The following LYPD6B variants were observed in gnomAD, a reference collection of about 807,000 sequenced individuals.
The protein encoded by LYPD6B is ly6/PLAUR domain-containing protein 6B.
A neutral mutation model predicts 22.8 loss-of-function variants in LYPD6B; 17 were observed. That is an observed-to-expected ratio of 0.75 (90% CI 0.51 to 1.12). The LOEUF (loss-of-function observed/expected upper bound fraction) is 1.12. LYPD6B is among the 50% of genes most tolerant of loss of function. LYPD6B has a pLI of 0.00. For missense variants in LYPD6B, 221 were observed against 258.3 expected, an observed-to-expected ratio of 0.86 and a Z score of 0.99; for synonymous variants, 106 against 91.6, an observed-to-expected ratio of 1.16 and a Z score of -0.90.
At chr2:149,055,556 T>C (rs796317362) in intron 1 of LYPD6B, among the ~76,000 whole-genome samples, 3 of 152,362 alleles carry the variant, frequency 2.0e-5, no homozygotes, top group African/African-American at 7.2e-5. Context: ...TTTCATTCCT[T>C]TCAATGATGT....
chr2:149,072,453 A>G (rs1242828849), intron 1 of LYPD6B, among the ~76,000 whole-genome samples: 2 of 150,982 alleles, frequency 1.3e-5, no homozygotes, highest in Non-Finnish European at 3.0e-5. Context: ...GAAGGATAAC[A>G]CAGGAAAGGG....
At chr2:149,151,832 C>T (rs566577735) in intron 2 of LYPD6B, among the ~76,000 whole-genome samples, 1 of 152,276 alleles carries the variant, frequency 6.6e-6, no homozygotes, top group South Asian at 2.1e-4. Flanking sequence ...GGCTATATCA[C>T]ACCTCAGCTC....
chr2:149,172,412 C>CA (rs1293991013), intron 3 of LYPD6B, among the ~76,000 whole-genome samples: 2 of 152,064 alleles, frequency 1.3e-5, no homozygotes, highest in Non-Finnish European at 1.5e-5. Flanking sequence ...TCAGACCAGT[C>CA]ATCATGGGCT....
At chr2:149,098,579 A>G (rs1335740955) in intron 1 of LYPD6B, among the ~76,000 whole-genome samples, 1 of 145,556 alleles carries the variant, frequency 6.9e-6, no homozygotes, top group African/African-American at 2.5e-5. Flanking sequence ...GTGAGCTGAG[A>G]TCGTGCCATT....
chr2:149,100,345 A>G (rs1225298927), intron 1 of LYPD6B, among the ~76,000 whole-genome samples: 5 of 147,996 alleles, frequency 3.4e-5, no homozygotes, highest in Admixed American at 1.4e-4. Context: ...TTCTTTCAAA[A>G]TTAGTATTCA....
chr2:149,076,008 G>A (rs1684863898), intron 1 of LYPD6B, among the ~76,000 whole-genome samples: 1 of 152,172 alleles, frequency 6.6e-6, no homozygotes, highest in African/African-American at 2.4e-5. Flanking sequence ...GCCAATCTAG[G>A]AGAGAGGGAG....
chr2:149,214,087 G>C (rs905358694), intron 6 of LYPD6B, among the ~76,000 whole-genome samples: 3 of 152,146 alleles, frequency 2.0e-5, no homozygotes, highest in African/African-American at 7.2e-5. Flanking sequence ...GTAAACCATT[G>C]TTGCTGTAAT....
chr2:149,186,189 A>G (rs1692089974), intron 3 of LYPD6B, among the ~76,000 whole-genome samples: 2 of 152,242 alleles, frequency 1.3e-5, no homozygotes, highest in African/African-American at 2.4e-5. Flanking sequence ...TCTTGTGCCA[A>G]ACAGCCAAGT....
intron 2 of LYPD6B, among the ~76,000 whole-genome samples, chr2:149,152,750 G>C (rs1472094589): frequency 6.6e-6 from 1 of 152,192 alleles, no homozygotes; most frequent in Non-Finnish European, 1.5e-5. Flanking sequence ...AATGAAGCTA[G>C]AGTTTCTTCA....
chr2:149,172,009 ATGC>A (rs1307083442), intron 3 of LYPD6B, among the ~76,000 whole-genome samples: 1 of 152,070 alleles, frequency 6.6e-6, no homozygotes, highest in African/African-American at 2.4e-5. Flanking sequence ...GTTTGTTATC[ATGC>A]TGCTACTAAA....
intron 1 of LYPD6B, among the ~76,000 whole-genome samples, chr2:149,043,456 T>C (rs1683179417): frequency 6.6e-6 from 1 of 152,146 alleles, no homozygotes; most frequent in Non-Finnish European, 1.5e-5. Flanking sequence ...AATTTTAAAG[T>C]GTTGAAGTGT....
chr2:149,166,958 G>A (rs554512150), intron 3 of LYPD6B, among the ~76,000 whole-genome samples: 64 of 152,050 alleles, frequency 4.2e-4, no homozygotes, highest in African/African-American at 1.3e-3. Flanking sequence ...CGACATCCTA[G>A]GGTTATTTTC....
At chr2:149,201,146 A>C (rs1181067920) in intron 3 of LYPD6B, among the ~76,000 whole-genome samples, 1 of 152,248 alleles carries the variant, frequency 6.6e-6, no homozygotes, top group African/African-American at 2.4e-5. Context: ...TGAAACAGCA[A>C]GAAGTCGCTC....
At chr2:149,051,416 C>G (rs954479182) in intron 1 of LYPD6B, among the ~76,000 whole-genome samples, 1 of 152,136 alleles carries the variant, frequency 6.6e-6, no homozygotes, top group Non-Finnish European at 1.5e-5. Flanking sequence ...CCACCCGCCT[C>G]GGCCTCCCAA....
intron 1 of LYPD6B, among the ~76,000 whole-genome samples, chr2:149,077,959 G>A (rs1356228939): frequency 1.5e-5 from 2 of 131,214 alleles, no homozygotes; most frequent in Non-Finnish European, 3.6e-5. Context: ...CCTCCATGAA[G>A]CAACTGCTGC....
intron 1 of LYPD6B, among the ~76,000 whole-genome samples, chr2:149,040,445 C>G (rs554402569): frequency 1.3e-5 from 2 of 152,182 alleles, no homozygotes; most frequent in East Asian, 1.9e-4. Context: ...AGGCTGGTCT[C>G]GAACTCCTAA....
chr2:149,127,230 T>G (rs1310984615), intron 1 of LYPD6B, among the ~76,000 whole-genome samples: 1 of 152,202 alleles, frequency 6.6e-6, no homozygotes, highest in East Asian at 1.9e-4. Context: ...TTATCATTTA[T>G]GCTCACTCTC....
intron 1 of LYPD6B, among the ~76,000 whole-genome samples, chr2:149,091,661 C>T (rs1220161720): frequency 6.6e-6 from 1 of 151,784 alleles, no homozygotes; most frequent in Non-Finnish European, 1.5e-5. Flanking sequence ...TGCAAATCTA[C>T]CTAAGTATAC....
Position 149,148,801 on chromosome 2 carries a change from C to A in LYPD6B, c.6-11963C>A, listed in dbSNP as rs559540981. On this transcript the variant is annotated intron_variant, in intron 2 of 6. Coordinates refer to ENST00000409642, the MANE Select transcript of LYPD6B (RefSeq NM_177964.5). ...CTGAGGAAGGCTGGATGCAATGGCT[C>A]ACAGGTGTGACACGAGTGCTTGGCT... 3.3e-5 allele frequency among the ~76,000 whole-genome samples: 5 copies of A among 152,304 alleles called. No homozygotes were observed. In the East Asian group the frequency reaches 9.6e-4, roughly 29 times the overall value.
Sources: gnomAD v4.1 joint callset for allele counts (sites outside exome capture counted in the v4.1 genomes callset) on GRCh38, gnomAD v4.1.1 for gene constraint, MANE v1.5 for transcripts, NCBI Gene and HGNC (gene_info 2026-07-23, HGNC 2026-07-21) for gene names.